Variants in INO80 observed in about 807,000 individuals in gnomAD.
The protein encoded by INO80 is INO80 complex ATPase subunit.
Under a neutral mutation model 203.4 loss-of-function variants are expected in INO80, and 20 were observed. The ratio of observed to expected loss-of-function variants is 0.10; its 90% CI spans 0.07 to 0.14. The LOEUF (loss-of-function observed/expected upper bound fraction) is 0.14. Ranked by LOEUF, INO80 falls within the 10% of genes least tolerant of loss-of-function variation. The pLI is 1.00. For synonymous variants in INO80, 726 were observed against 685.2 expected (o/e 1.06, Z -0.93); for missense variants, 1,419 against 1,914.4 (o/e 0.74, Z 4.83).
intron 27 of INO80, among the ~76,000 whole-genome samples, chr15:41,008,763 T>C (rs1357367719): frequency 6.6e-6 from 1 of 152,254 alleles, no homozygotes; most frequent in Non-Finnish European, 1.5e-5. Context: ...GCAGCACTTG[T>C]ACCACCTGAG....
At chr15:41,104,206 CAAAAAAAAAAAAAAA>C (rs35510472) in intron 1 of INO80, among the ~76,000 whole-genome samples, 1 of 41,522 alleles carries the variant, frequency 2.4e-5, no homozygotes, top group African/African-American at 6.1e-5. Context: ...AACTCCATCT[CAAAAAAAAAAAAAAA>C]AAAAAAAAAA....
chr15:40,990,107 A>T (rs558157578), intron 29 of INO80, among the ~76,000 whole-genome samples: 30 of 152,146 alleles, frequency 2.0e-4, no homozygotes, highest in African/African-American at 6.0e-4. Context: ...TCTCTCACTG[A>T]ATTCTAAAAA....
chr15:41,089,478 G>A (rs550364855), intron 5 of INO80, among the ~76,000 whole-genome samples: 59 of 152,262 alleles, frequency 3.9e-4, no homozygotes, highest in Non-Finnish European at 6.3e-4. Flanking sequence ...GCGGCTGGGC[G>A]GGGTGGCTCA....
At chr15:41,107,151 C>G (rs1201156260) in intron 1 of INO80, among the ~76,000 whole-genome samples, 1 of 152,224 alleles carries the variant, frequency 6.6e-6, no homozygotes, top group Non-Finnish European at 1.5e-5. Flanking sequence ...GATTTGCATG[C>G]CTGAAAGGCC....
chr15:41,080,604 C>T (rs113137096), intron 8 of INO80, among the ~76,000 whole-genome samples: 41 of 152,260 alleles, frequency 2.7e-4, no homozygotes, highest in African/African-American at 9.6e-4. Context: ...GCCTGTAATC[C>T]TAGCACTTTG....
At chr15:40,981,400 CTG>C (rs1555396524) in intron 35 of INO80, among the ~76,000 whole-genome samples, 2 of 152,206 alleles carry the variant, frequency 1.3e-5, no homozygotes, top group Non-Finnish European at 2.9e-5. Context: ...ACTGGCATGA[CTG>C]TTGTTTTCCA....
chr15:40,997,664 A>C, intron 28 of INO80, 63 bp from the exon 29 acceptor site: 1 of 1,059,106 alleles, frequency 9.4e-7, no homozygotes, highest in Non-Finnish European at 1.5e-6. Context: ...ATGTATCAAT[A>C]GAGAGAGATC....
intron 7 of INO80, 60 bp from the exon 8 acceptor site, chr15:41,081,133 G>T: frequency 9.5e-7 from 1 of 1,055,694 alleles, no homozygotes; most frequent in Non-Finnish European, 1.5e-6. Context: ...AGACTATGTA[G>T]AATGAACAGT....
intron 9 of INO80, among the ~76,000 whole-genome samples, chr15:41,076,439 C>T (rs1009883107): frequency 1.3e-5 from 2 of 150,926 alleles, no homozygotes; most frequent in Non-Finnish European, 2.9e-5. Flanking sequence ...CGAATATAGA[C>T]TGAATACACA....
At chr15:41,003,519 G>A (rs1219123932) in intron 28 of INO80, among the ~76,000 whole-genome samples, 1 of 151,558 alleles carries the variant, frequency 6.6e-6, no homozygotes, top group East Asian at 1.9e-4. Context: ...TAGTAGAGAC[G>A]GGGTTTCACC....
intron 4 of INO80, among the ~76,000 whole-genome samples, chr15:41,094,258 C>A (rs1440890039): frequency 6.6e-6 from 1 of 152,192 alleles, no homozygotes; most frequent in African/African-American, 2.4e-5. Context: ...TGTGTGATCA[C>A]AGTCTTGTAA....
intron 19 of INO80, among the ~76,000 whole-genome samples, chr15:41,052,221 T>C (rs2044887659): frequency 6.6e-6 from 1 of 152,142 alleles, no homozygotes; most frequent in Non-Finnish European, 1.5e-5. Flanking sequence ...ATTTTTTAAA[T>C]AAAATGTTTT....
Position 41,027,560 on chromosome 15 carries a change from C to A in INO80, c.3048+36G>T, listed in dbSNP as rs201301464. 9.7e-6 allele frequency: 15 copies of A among 1,541,950 alleles called. No individual in the cohort carries two copies. The African/African-American group carries it at 1.8e-4, about 18-fold the overall frequency. The stretch of plus-strand genomic sequence containing the variant: ...AAAAATTGGTTTATTTCTCCTATTG[C>A]CATCTATTTCATCTCTTCCCTCCTG... On this transcript the variant is annotated intron_variant, in intron 25 of 35. Transcript: ENST00000648947.
Position 41,073,421 on chromosome 15 carries a change from G to C in INO80, c.1395+7C>G. ...ATTACAGTAAACCTTTCTATCTGAA[G>C]ACTCACCCGAGCTTGGTGAATATGG... is the stretch of plus-strand genomic sequence containing the variant. On this transcript the variant is annotated splice_region_variant and intron_variant, in intron 11 of 35. Transcript: ENST00000648947. The C allele has an allele frequency of 1.2e-6, 2 of 1,611,774 alleles. No homozygotes were observed. The highest frequency in any genetic ancestry group is 1.7e-6 in the Non-Finnish European group (2 of 1,177,874).
At chr15:41,110,984 C>G (rs933966745) in intron 1 of INO80, among the ~76,000 whole-genome samples, 1 of 152,108 alleles carries the variant, frequency 6.6e-6, no homozygotes, top group African/African-American at 2.4e-5. Flanking sequence ...GTTTATTTGC[C>G]TCTTAAAGGC....
intron 9 of INO80, among the ~76,000 whole-genome samples, chr15:41,074,810 T>C (rs894903445): frequency 6.6e-6 from 1 of 152,174 alleles, no homozygotes; most frequent in Non-Finnish European, 1.5e-5. Context: ...AGTGGCACGA[T>C]CTCGGCTCAC....
chr15:41,045,238 G>A (rs773518691), intron 23 of INO80, among the ~76,000 whole-genome samples, 163 bp from the exon 24 acceptor site: 1 of 151,988 alleles, frequency 6.6e-6, no homozygotes, highest in African/African-American at 2.4e-5. Context: ...ACATTATTTC[G>A]CATTACATGG....
chr15:41,067,191 C>T (rs1225725010), intron 14 of INO80, among the ~76,000 whole-genome samples: 1 of 152,092 alleles, frequency 6.6e-6, no homozygotes, highest in Non-Finnish European at 1.5e-5. Flanking sequence ...ATTTTCCTGC[C>T]TCAGCCTCCC....
intron 23 of INO80, 62 bp downstream of exon 23, chr15:41,047,346 T>C: frequency 1.0e-6 from 1 of 957,938 alleles, no homozygotes. Context: ...TTCCACAGTA[T>C]TCAATATCTA....
Sources: allele counts gnomAD v4.1 joint callset (sites outside exome capture counted in the v4.1 genomes callset), GRCh38; gene constraint gnomAD v4.1.1; transcripts MANE v1.5; gene names NCBI Gene and HGNC (gene_info 2026-07-23, HGNC 2026-07-21).